The following REXO5 variants were observed in gnomAD, a reference collection of about 807,000 sequenced individuals.
REXO5 encodes the protein RNA exonuclease 5, also known as exonuclease NEF-sp.
REXO5 carries 48 observed loss-of-function variants against 88.5 expected under a neutral mutation model. The ratio of observed to expected loss-of-function variants is 0.54; its 90% CI spans 0.43 to 0.69. The LOEUF is 0.69. REXO5 is among the 30% of genes least tolerant of loss of function. REXO5 has a pLI of 0.00. For missense variants in REXO5, 749 were observed against 912.2 expected (o/e 0.82, Z 2.30); for synonymous variants, 311 against 336.5 (o/e 0.92, Z 0.83).
Position 20,814,964 on chromosome 16 carries a change from G to A in REXO5, c.289G>A (p.Val97Ile), listed in dbSNP as rs143977054. The change falls in exon 4 of 20, where the codon GTA (valine) becomes ATA (isoleucine). Residue 97 changes from valine to isoleucine, a missense_variant. Transcript: ENST00000261377. ...QLFHQNHLNN[V>I]VVFVLQGMSQ... is the part of the protein sequence containing the mutation. ...TTTTCATCAAAACCACCTAAACAAC[G>A]TAGTGGTTTTTGTTCTGCAGGGAAT... 738 of 1,613,462 alleles carry A rather than the reference G, an allele frequency of 4.6e-4. No homozygotes were observed. Among genetic ancestry groups the A allele is most frequent in the Non-Finnish European group, 6.0e-4 (704 of 1,179,790 alleles).
At chr16:20,846,418 A>ATATT in intron 19 of REXO5, 79 bp downstream of exon 19, 2 of 1,017,862 alleles carry the variant, frequency 2.0e-6, no homozygotes, top group South Asian at 2.7e-5. Flanking sequence ...CCTTTTGCTG[A>ATATT]TATTTAGGCA....
chr16:20,838,364 T>C (rs1422304164), intron 13 of REXO5, among the ~76,000 whole-genome samples: 1 of 152,230 alleles, frequency 6.6e-6, no homozygotes, highest in East Asian at 1.9e-4. Context: ...AGAGATCTTA[T>C]AACTTTTTTA....
intron 5 of REXO5, among the ~76,000 whole-genome samples, chr16:20,816,925 T>C (rs1423846284): frequency 6.6e-6 from 1 of 152,244 alleles, no homozygotes; most frequent in Non-Finnish European, 1.5e-5. Flanking sequence ...GAGGTTTAGA[T>C]ACTAGCCAGC....
At position 20,825,773 on chromosome 16, in the gene REXO5, T is replaced by C. The variant is rs908924104; in HGVS notation, c.706-60T>C. The C allele has an allele frequency of 2.0e-5, 24 of 1,190,622 alleles. No homozygotes were observed. In the East Asian group the frequency reaches 5.5e-4, roughly 27 times the overall value. The allele number at this position is 1,190,622 out of a possible 1,614,324, so 73.8% of individuals were successfully genotyped here. On this transcript the variant is annotated intron_variant, in intron 7 of 19. Transcript: ENST00000261377. ...TAGATGGCAGTTGACATAGTGTAAA[T>C]AGTAAGAAGAAGCAATAACTTCCAC...
intron 5 of REXO5, among the ~76,000 whole-genome samples, chr16:20,821,435 C>G (rs1159505337): frequency 6.6e-6 from 1 of 152,038 alleles, no homozygotes; most frequent in African/African-American, 2.4e-5. Context: ...TACAGGCACC[C>G]ACCACCACAC....
chr16:20,819,084 C>T (rs538317042), intron 5 of REXO5, among the ~76,000 whole-genome samples: 1 of 152,288 alleles, frequency 6.6e-6, no homozygotes, highest in East Asian at 1.9e-4. Context: ...ATCCATGTCC[C>T]TGCAAAGGAC....
At chr16:20,809,073 A>G (rs991497070) in intron 2 of REXO5, among the ~76,000 whole-genome samples, 5 of 152,026 alleles carry the variant, frequency 3.3e-5, no homozygotes, top group African/African-American at 4.8e-5. Context: ...TTGCCTATCA[A>G]ATTTGCAAAA....
chr16:20,842,479 TTTG>T (rs1446671306), intron 15 of REXO5, among the ~76,000 whole-genome samples: 4 of 121,374 alleles, frequency 3.3e-5, no homozygotes, highest in African/African-American at 9.0e-5. Flanking sequence ...CTTTGTTTTG[TTTG>T]TTTTTTTTTT....
At chr16:20,833,265 AT>A in intron 13 of REXO5, 142 bp downstream of exon 13, 1 of 843,148 alleles carries the variant, frequency 1.2e-6, no homozygotes, top group Non-Finnish European at 1.8e-6. Flanking sequence ...CACATCTTGT[AT>A]GGAGTACCTA....
rs748607013 is a variant in REXO5 at position 20,824,486 on chromosome 16, A to G, written c.664A>G (p.Ile222Val). 6 of 1,611,514 alleles carry G rather than the reference A, an allele frequency of 3.7e-6. No individual in the cohort carries two copies. The highest frequency in any genetic ancestry group is 8.5e-7 in the Non-Finnish European group (1 of 1,178,166). Residue 222 changes from isoleucine to valine, a missense_variant, in exon 7 of 20, where the codon ATA (isoleucine) becomes GTA (valine). Physicochemically the swap from Ile to Val is conservative, Grantham distance 29 (BLOSUM62 3). Transcript: ENST00000261377. ...NFLLTKCNGS[I>V]ADNSPLFGLD... ...TTTACTTACCAAATGTAATGGTTCT[A>G]TAGCAGACAATAGTCCTCTCTTTGG...
At chr16:20,848,045 C>T (rs919470438) in intron 19 of REXO5, among the ~76,000 whole-genome samples, 9 of 152,166 alleles carry the variant, frequency 5.9e-5, no homozygotes, top group African/African-American at 1.7e-4. Flanking sequence ...CTGGAAGCAG[C>T]AAATCCTGTG....
At position 20,825,899 on chromosome 16, in the gene REXO5, A is replaced by G; in HGVS notation, c.772A>G (p.Met258Val). Residue 258 changes from methionine (M) to valine (V), a missense_variant, in exon 8 of 20, where the codon ATG (methionine) becomes GTG (valine). By Grantham distance (21) the Met-to-Val change is conservative. Transcript: ENST00000261377. ...GGTTGCTGAAGGAGGCTGCTGTGTT[A>G]TGGATGAACTGGTCAAACCTGAAAA... The part of the protein sequence containing the change: ...SLVAEGGCCV[M>V]DELVKPENKI... 1 of 1,614,050 alleles carries G rather than the reference A, an allele frequency of 6.2e-7. No individual in the cohort carries two copies. Among genetic ancestry groups the G allele is most frequent in the African/African-American group, 1.3e-5 (1 of 75,036 alleles).
chr16:20,832,236 A>C lies in REXO5; in HGVS notation c.1239A>C (p.Glu413Asp). 6.2e-7 allele frequency: 1 copy of C among 1,611,468 alleles called. No homozygotes were observed. Among genetic ancestry groups the C allele is most frequent in the Non-Finnish European group, 8.5e-7 (1 of 1,178,396 alleles). Reference sequence around the variant, plus strand: ...GCCAAGAGCCTAAAAACACAGCAGAAGTACTTCAGCACCCAAACACAAGGT... The same window carrying C: ...GCCAAGAGCCTAAAAACACAGCAGACGTACTTCAGCACCCAAACACAAGGT... ...AAGQEPKNTA[E>D]VLQHPNTSVL... The change falls in exon 12 of 20, where the codon GAA (glutamate) becomes GAC (aspartate). Residue 413 changes from glutamate to aspartate, a missense_variant. Coordinates refer to ENST00000261377, the MANE Select transcript of REXO5 (RefSeq NM_030941.3).
Position 20,839,371 on chromosome 16 carries a change from AT to A in REXO5, c.1384-371del, listed in dbSNP as rs760106372. ...TCATCTAATTCTTCCATGCCCCTTG[AT>A]TTTTTTTTTTTTAACCAAATCTATT... is the stretch of plus-strand genomic sequence containing the variant. On this transcript the variant is annotated intron_variant, in intron 13 of 19. Coordinates refer to ENST00000261377, the MANE Select transcript of REXO5 (RefSeq NM_030941.3). Among the ~76,000 whole-genome samples the A allele has an allele frequency of 9.6e-3, 1,359 of 140,890 alleles. 9 individuals are homozygous for A. The highest frequency in any genetic ancestry group is 0.026 in the Middle Eastern group (7 of 272). The allele number at this position is 140,890 out of a possible 152,430, so 92.4% of individuals were successfully genotyped here.
intron 16 of REXO5, 97 bp downstream of exon 16, chr16:20,844,123 C>T (rs767144602): frequency 8.7e-5 from 62 of 714,336 alleles, no homozygotes; most frequent in Non-Finnish European, 1.5e-4. Context: ...TCTCAAGAGG[C>T]CCACGCACAA....
At chr16:20,826,092 T>G in intron 8 of REXO5, 144 bp downstream of exon 8, 2 of 599,926 alleles carry the variant, frequency 3.3e-6, no homozygotes, top group East Asian at 5.6e-5. Context: ...AGGTATATTT[T>G]AATGCTGAAA....
chr16:20,815,431 C>T (rs2081066440), intron 4 of REXO5, among the ~76,000 whole-genome samples: 1 of 152,124 alleles, frequency 6.6e-6, no homozygotes, highest in Non-Finnish European at 1.5e-5. Flanking sequence ...AAAAGAGGCA[C>T]CTGCTGTCCA....
rs533823342 is a variant in REXO5, at chr16:20,834,688, G to A, written c.1383+1565G>A. Among the ~76,000 whole-genome samples the A allele has an allele frequency of 8.6e-5, 13 of 151,594 alleles. No individual in the cohort carries two copies. The South Asian group carries it at 1.7e-3, about 19-fold the overall frequency. On this transcript the variant is annotated intron_variant, in intron 13 of 19. Transcript: ENST00000261377. ...GTCTGTTTTATTTTAGATTGTTTCCGTTGCTATGTCTTAGGTTTCTAATTC... is the reference window on the plus strand; with the variant it reads ...GTCTGTTTTATTTTAGATTGTTTCCATTGCTATGTCTTAGGTTTCTAATTC...
In REXO5 at chr16:20,844,686, G is replaced by C. The variant is rs749746115; in HGVS notation, c.1777G>C (p.Glu593Gln). The C allele has an allele frequency of 1.9e-6, 3 of 1,614,086 alleles. No homozygotes were observed. The African/African-American group carries it at 4.0e-5, about 22-fold the overall frequency. Residue 593 changes from glutamate (E) to glutamine (Q), a missense_variant, in exon 17 of 20, where the codon GAA (glutamate) becomes CAA (glutamine). Physicochemically the swap from Glu to Gln is conservative, Grantham distance 29. Transcript: ENST00000261377. Reference protein sequence around the residue: ...LDCDTLVNELEGDSENQGSIY... With the variant: ...LDCDTLVNELQGDSENQGSIY... The stretch of plus-strand genomic sequence containing the variant: ...TTGTGACACCCTCGTGAATGAGCTG[G>C]AAGGAGATTCTGAAAACCAAGGCTC...
Sources: allele counts gnomAD v4.1 joint callset (sites outside exome capture counted in the v4.1 genomes callset), GRCh38; gene constraint gnomAD v4.1.1; transcripts MANE v1.5; gene names NCBI Gene and HGNC (gene_info 2026-07-23, HGNC 2026-07-21).